Variants in CKLF observed in about 807,000 individuals in gnomAD.
CKLF encodes chemokine like factor.
In CKLF, 16 loss-of-function variants were observed where a neutral mutation model predicts 12.9. That is an observed-to-expected ratio of 1.24 (90% CI 0.84 to 1.88). The LOEUF (loss-of-function observed/expected upper bound fraction) is 1.88. Among genes scored for constraint, CKLF ranks in the 40% most tolerant of loss-of-function variants. The pLI, the probability that CKLF is intolerant of heterozygous loss-of-function variation, is 0.00. For missense variants in CKLF, 172 were observed against 188.5 expected, an observed-to-expected ratio of 0.91 and a Z score of 0.51; for synonymous variants, 61 against 69.0, an observed-to-expected ratio of 0.88 and a Z score of 0.57.
At chr16:66,562,354 T>C (rs2144550325) in intron 2 of CKLF, among the ~76,000 whole-genome samples, 1 of 152,314 alleles carries the variant, frequency 6.6e-6, no homozygotes, top group African/African-American at 2.4e-5. Context: ...GCGCCCAGCA[T>C]TAATTGCATT....
chr16:66,562,091 CTTTTT>C (rs36111855), intron 2 of CKLF, among the ~76,000 whole-genome samples: 2 of 146,996 alleles, frequency 1.4e-5, no homozygotes, highest in African/African-American at 5.0e-5. Context: ...TATTAATTGC[CTTTTT>C]TTTTTTGAGA....
rs769054046 is a variant in CKLF, at chr16:66,563,026, G to T, written c.238-96G>T. The T allele has an allele frequency of 5.4e-5, 77 of 1,436,482 alleles. No individual in the cohort carries two copies. The Middle Eastern group carries it at 7.6e-4, about 14-fold the overall frequency. 89.0% of individuals were successfully genotyped at this position (1,436,482 alleles called of 1,614,324 possible). The stretch of plus-strand genomic sequence containing the variant: ...CCAGTGCATTCTGCCTGCTGACTTT[G>T]TTTTTTGTTGTTGTTGTTTTTTTGT... On this transcript the variant is annotated intron_variant, in intron 2 of 3. Coordinates refer to ENST00000264001, the MANE Select transcript of CKLF (RefSeq NM_016951.4).
Position 66,566,050 on chromosome 16 carries a change from ATATTT to A in CKLF, c.*40_*44del. ...TTTAGTTTGATACTAAGTATTAAACATATTTCTGTATTCTTCCACATATTTTCTGC... is the reference window on the plus strand; with the variant it reads ...TTTAGTTTGATACTAAGTATTAAACACTGTATTCTTCCACATATTTTCTGC... On this transcript the variant is annotated 3_prime_UTR_variant, in exon 4 of 4. Transcript: ENST00000264001. This position sits in a 1 kb window ranked among gnomAD's most constrained non-coding sequence, Gnocchi z 4.9. The A allele has an allele frequency of 6.2e-7, 1 of 1,608,496 alleles. No individual in the cohort carries two copies. Among genetic ancestry groups the A allele is most frequent in the East Asian group, 2.2e-5 (1 of 44,724 alleles).
intron 3 of CKLF, among the ~76,000 whole-genome samples, chr16:66,564,374 G>A (rs2011984188): frequency 1.3e-5 from 2 of 151,950 alleles, no homozygotes; most frequent in African/African-American, 4.8e-5. Flanking sequence ...AAGGAATGTA[G>A]AATATTTTGT....
chr16:66,565,086 G>T (rs1437915169), intron 3 of CKLF, among the ~76,000 whole-genome samples: 3 of 152,210 alleles, frequency 2.0e-5, no homozygotes, highest in African/African-American at 7.2e-5. Flanking sequence ...TGCCAGTCAT[G>T]AAAAGATTGG....
intron 1 of CKLF, among the ~76,000 whole-genome samples, chr16:66,557,052 GT>G (rs16970048): frequency 6.6e-6 from 1 of 151,280 alleles, no homozygotes; most frequent in African/African-American, 2.4e-5. Flanking sequence ...AGTTTTTTAT[GT>G]TTTTTTTTCC....
At chr16:66,560,692 G>A (rs1383543419) in intron 2 of CKLF, among the ~76,000 whole-genome samples, 1 of 151,840 alleles carries the variant, frequency 6.6e-6, no homozygotes, top group East Asian at 1.9e-4. Flanking sequence ...GAGATGAGGA[G>A]TGGCCAGAAA....
intron 3 of CKLF, 70 bp downstream of exon 3, chr16:66,563,287 G>C: frequency 6.4e-7 from 1 of 1,560,434 alleles, no homozygotes; most frequent in Non-Finnish European, 8.8e-7. Flanking sequence ...GAAAACAGAT[G>C]TAAGAATAGA....
At chr16:66,565,815 C>A in intron 3 of CKLF, 71 bp from the exon 4 acceptor site, 1 of 1,437,678 alleles carries the variant, frequency 7.0e-7, no homozygotes, top group Non-Finnish European at 9.8e-7. Context: ...GTGGGCAGAC[C>A]ACTTAAAACT....
At chr16:66,557,295 G>A (rs1230139676) in intron 1 of CKLF, among the ~76,000 whole-genome samples, 4 of 152,094 alleles carry the variant, frequency 2.6e-5, no homozygotes, top group African/African-American at 4.8e-5. Context: ...AGCCACCCGA[G>A]TAGCTGGGAT....
rs1567551691 is a variant in CKLF at position 66,563,187 on chromosome 16, A to G, written c.303A>G (p.Pro101=). The change falls in exon 3 of 4, where the codon CCA becomes CCG. Residue 101 remains proline (P), a synonymous_variant. Transcript: ENST00000264001. ...MLIVSVLALI[P]ETTTLTVGGG... is the part of the protein sequence containing the mutation. The stretch of plus-strand genomic sequence containing the variant: ...TCGTATCTGTGTTGGCACTGATACC[A>G]GAAACCACAACATTGACAGTTGGTG... The G allele has an allele frequency of 6.2e-7, 1 of 1,614,210 alleles. No homozygotes were observed. Among genetic ancestry groups the G allele is most frequent in the Non-Finnish European group, 8.5e-7 (1 of 1,180,040 alleles).
At chr16:66,554,933 C>T (rs1237996509) in intron 1 of CKLF, among the ~76,000 whole-genome samples, 1 of 152,136 alleles carries the variant, frequency 6.6e-6, no homozygotes, top group Non-Finnish European at 1.5e-5. Flanking sequence ...TATGATCTAA[C>T]TTACATTTTA....
At chr16:66,556,074 C>T (rs2011439932) in intron 1 of CKLF, among the ~76,000 whole-genome samples, 1 of 152,058 alleles carries the variant, frequency 6.6e-6, no homozygotes, top group South Asian at 2.1e-4. Context: ...GGAGAATGGA[C>T]CTGGGTTAGA....
rs2011875604 is a variant in CKLF at position 66,563,235 on chromosome 16, T to C, written c.333+18T>C. The C allele has an allele frequency of 6.2e-7, 1 of 1,610,942 alleles. No individual in the cohort carries two copies. Among genetic ancestry groups the C allele is most frequent in the Non-Finnish European group, 8.5e-7 (1 of 1,179,002 alleles). On this transcript the variant is annotated intron_variant, in intron 3 of 3. Coordinates refer to ENST00000264001, the MANE Select transcript of CKLF (RefSeq NM_016951.4). Reference sequence around the variant, plus strand: ...GTGGAGGGGTAAGTGGAAGTCTTTCTGCTTGCTTTCTTCAGGTTTTATCAG... The same window carrying C: ...GTGGAGGGGTAAGTGGAAGTCTTTCCGCTTGCTTTCTTCAGGTTTTATCAG...
intron 2 of CKLF, 57 bp from the exon 3 acceptor site, chr16:66,563,065 T>G (rs756766195): frequency 7.5e-6 from 12 of 1,602,188 alleles, no homozygotes; most frequent in Non-Finnish European, 1.0e-5. Flanking sequence ...TTGTTTTTCC[T>G]TTTTAGCATT....
intron 2 of CKLF, among the ~76,000 whole-genome samples, chr16:66,559,059 G>A (rs971634245): frequency 2.6e-5 from 4 of 152,142 alleles, no homozygotes; most frequent in African/African-American, 9.7e-5. Context: ...CCTCTTGCAA[G>A]TCTCATTCCC....
At chr16:66,552,574 A>G, upstream of CKLF, 1 of 1,347,294 alleles carries the variant, frequency 7.4e-7, no homozygotes, top group South Asian at 1.3e-5. Context: ...TGCGCGCAAG[A>G]GAGCGGGAAG....
intron 2 of CKLF, among the ~76,000 whole-genome samples, chr16:66,561,738 G>A (rs1411791603): frequency 1.3e-5 from 2 of 152,122 alleles, no homozygotes; most frequent in African/African-American, 4.8e-5. Flanking sequence ...CATTGAACCT[G>A]TTCCTACTTT....
chr16:66,555,908 G>A (rs937257038), intron 1 of CKLF, among the ~76,000 whole-genome samples: 1 of 152,146 alleles, frequency 6.6e-6, no homozygotes, highest in Non-Finnish European at 1.5e-5. Flanking sequence ...AGTGATCTTA[G>A]GTTCCTGGCA....
Sources: gnomAD v4.1 joint callset for allele counts (sites outside exome capture counted in the v4.1 genomes callset) on GRCh38, gnomAD v4.1.1 for gene constraint, Gnocchi (gnomAD v3.1) non-coding constraint, MANE v1.5 for transcripts, NCBI Gene and HGNC (gene_info 2026-07-23, HGNC 2026-07-21) for gene names.